The following LARGE1 variants were observed in gnomAD, a reference collection of about 807,000 sequenced individuals.
LARGE1 encodes LARGE xylosyl- and glucuronyltransferase 1.
Under a neutral mutation model 87.6 loss-of-function variants are expected in LARGE1, and 43 were observed. The ratio of observed to expected loss-of-function variants is 0.49; its 90% CI spans 0.38 to 0.63. The LOEUF (loss-of-function observed/expected upper bound fraction) is 0.63. Ranked by LOEUF, LARGE1 falls within the 30% of genes least tolerant of loss-of-function variation. The pLI is 0.00. For missense variants in LARGE1, 802 were observed against 1,000.2 expected (o/e 0.80, Z 2.67); for synonymous variants, 434 against 394.6 (o/e 1.10, Z -1.18).
intron 1 of LARGE1, among the ~76,000 whole-genome samples, chr22:33,847,654 G>C (rs9607080): frequency 0.18 from 27,854 of 152,160 alleles, 2,731 homozygotes; most frequent in Middle Eastern, 0.27. Context: ...GCTGTGAACT[G>C]ACCTGTACAA....
intron 12 of LARGE1, among the ~76,000 whole-genome samples, chr22:33,288,308 G>C (rs1184319416): frequency 6.6e-6 from 1 of 152,162 alleles, no homozygotes; most frequent in Non-Finnish European, 1.5e-5. Flanking sequence ...AACAAAAACT[G>C]AGTTTCCCAG....
chr22:33,151,669 T>C, the LARGE1 span, among the ~76,000 whole-genome samples: 327 of 152,332 alleles, frequency 2.1e-3, 1 homozygote, highest in Non-Finnish European at 3.5e-3. Context: ...CTGAATTTTT[T>C]TGAATGGCTT....
chr22:33,729,423 G>A (rs2083383250), intron 2 of LARGE1, among the ~76,000 whole-genome samples: 1 of 152,158 alleles, frequency 6.6e-6, no homozygotes, highest in Admixed American at 6.5e-5. Flanking sequence ...CCTTTCAAGG[G>A]ATATAAACTA....
At chr22:33,540,045 TCCCTTTTA>T (rs1318273494) in intron 6 of LARGE1, among the ~76,000 whole-genome samples, 2 of 152,138 alleles carry the variant, frequency 1.3e-5, no homozygotes, top group African/African-American at 4.8e-5. Context: ...CGGGGGCCAG[TCCCTTTTA>T]CCCTGTGGAG....
intron 13 of LARGE1, among the ~76,000 whole-genome samples, chr22:33,279,760 G>C (rs556939069): frequency 4.6e-5 from 7 of 152,312 alleles, no homozygotes; most frequent in African/African-American, 1.7e-4. Flanking sequence ...CAACAATTAG[G>C]CCCAGAAGCA....
intron 7 of LARGE1, among the ~76,000 whole-genome samples, chr22:33,420,500 G>A (rs2066653277): frequency 6.6e-6 from 1 of 152,210 alleles, no homozygotes; most frequent in Non-Finnish European, 1.5e-5. Flanking sequence ...TAGTTTGGAG[G>A]CAGAGAGGCT....
intron 1 of LARGE1, among the ~76,000 whole-genome samples, chr22:33,785,364 A>C (rs1425730744): frequency 2.6e-5 from 4 of 152,116 alleles, no homozygotes; most frequent in Admixed American, 2.6e-4. Flanking sequence ...TGAAGTATTC[A>C]GATGTTACAC....
chr22:33,124,386 G>GGAAGGAAGGAAGGAAGGAAGGAAGGA, the LARGE1 span, among the ~76,000 whole-genome samples: 3 of 61,618 alleles, frequency 4.9e-5, no homozygotes, highest in Non-Finnish European at 9.5e-5. Flanking sequence ...GGAAGGAAGG[G>GGAAGGAAGGAAGGAAGGAAGGAAGGA]AGGAAGGAAA....
intron 5 of LARGE1, among the ~76,000 whole-genome samples, chr22:33,588,537 G>A (rs1416301589): frequency 2.0e-5 from 3 of 151,622 alleles, no homozygotes; most frequent in South Asian, 2.1e-4. Flanking sequence ...GTGTGTGTGC[G>A]CACGCACGCA....
intron 1 of LARGE1, among the ~76,000 whole-genome samples, chr22:33,786,102 C>A (rs2085632014): frequency 6.6e-6 from 1 of 152,046 alleles, no homozygotes; most frequent in Non-Finnish European, 1.5e-5. Flanking sequence ...TTCTAAATTA[C>A]AAAAATTCCT....
At chr22:33,389,735 C>G (rs182509937) in intron 7 of LARGE1, among the ~76,000 whole-genome samples, 1 of 152,066 alleles carries the variant, frequency 6.6e-6, no homozygotes, top group Admixed American at 6.6e-5. Flanking sequence ...GTCCCAGTTA[C>G]TTGGGAGGCT....
At chr22:33,868,981 G>A (rs952857828) in intron 1 of LARGE1, among the ~76,000 whole-genome samples, 1 of 152,162 alleles carries the variant, frequency 6.6e-6, no homozygotes, top group African/African-American at 2.4e-5. Flanking sequence ...CCAAACGTGG[G>A]GTTGTGGAAA....
intron 1 of LARGE1, among the ~76,000 whole-genome samples, chr22:33,842,025 A>G (rs1285413471): frequency 1.3e-5 from 2 of 152,262 alleles, no homozygotes; most frequent in Non-Finnish European, 2.9e-5. Flanking sequence ...AGGACTTCAA[A>G]GAAAGCCACT....
intron 9 of LARGE1, among the ~76,000 whole-genome samples, chr22:33,376,694 A>G (rs1201350444): frequency 1.3e-5 from 2 of 152,228 alleles, no homozygotes. Context: ...CAAAGTCCTT[A>G]TGCAAACTGT....
At chr22:33,600,121 C>A (rs1030791801) in intron 5 of LARGE1, among the ~76,000 whole-genome samples, 2 of 152,110 alleles carry the variant, frequency 1.3e-5, no homozygotes, top group Non-Finnish European at 2.9e-5. Flanking sequence ...GATAAAGAAA[C>A]GTGAATTCCT....
At chr22:33,918,830 ATC>A (rs2065859918) in intron 1 of LARGE1, among the ~76,000 whole-genome samples, 1 of 152,196 alleles carries the variant, frequency 6.6e-6, no homozygotes, top group South Asian at 2.1e-4. Flanking sequence ...GAAGAAAGGC[ATC>A]TGCATGTCAG....
At chr22:33,356,646 A>G (rs980905443) in intron 9 of LARGE1, among the ~76,000 whole-genome samples, 1 of 152,022 alleles carries the variant, frequency 6.6e-6, no homozygotes, top group African/African-American at 2.4e-5. Context: ...GGTGTGTGCC[A>G]GTAATCCCAG....
intron 2 of LARGE1, among the ~76,000 whole-genome samples, chr22:33,717,625 T>C (rs185744240): frequency 7.2e-4 from 109 of 152,296 alleles, no homozygotes; most frequent in African/African-American, 2.5e-3. Flanking sequence ...CCACAAGTTA[T>C]CTGAGAAGGC....
rs1556115447 is a variant in LARGE1 at position 33,816,674 on chromosome 22, G to GGATAGATAGATA, written c.-82-55128_-82-55117dup. Among the ~76,000 whole-genome samples, 819 of 141,280 alleles carry GGATAGATAGATA rather than the reference G, an allele frequency of 5.8e-3. 3 individuals are homozygous for GGATAGATAGATA. Among genetic ancestry groups the GGATAGATAGATA allele is most frequent in the East Asian group, 9.6e-3 (45 of 4,664 alleles). The allele number at this position is 141,280 out of a possible 152,430, so 92.7% of individuals were successfully genotyped here. On this transcript the variant is annotated intron_variant, in intron 1 of 14. Coordinates refer to ENST00000397394, the MANE Select transcript of LARGE1 (RefSeq NM_133642.5). Reference sequence around the variant, plus strand: ...CAGACAGACGGATGCACGGATGGATGGATAGATAGATAGATAGACAGACAG... The same window carrying GGATAGATAGATA: ...CAGACAGACGGATGCACGGATGGATGGATAGATAGATAGATAGATAGATAGATAGACAGACAG...
Sources: allele counts gnomAD v4.1 joint callset (sites outside exome capture counted in the v4.1 genomes callset), GRCh38; gene constraint gnomAD v4.1.1; transcripts MANE v1.5; gene names NCBI Gene and HGNC (gene_info 2026-07-23, HGNC 2026-07-21).